CFAP20DC: variants seen among roughly 807,000 people sequenced by gnomAD.
CFAP20DC encodes protein CFAP20DC.
Under a neutral mutation model 101.7 loss-of-function variants are expected in CFAP20DC, and 84 were observed. The observed-to-expected ratio is 0.83, with a 90% CI of 0.69 to 0.99. CFAP20DC has a LOEUF of 0.99. Ranked by LOEUF, CFAP20DC falls within the 50% of genes least tolerant of loss-of-function variation. The pLI is 0.00. For missense variants in CFAP20DC, 1,007 were observed against 970.3 expected, an observed-to-expected ratio of 1.04 and a Z score of -0.50; for synonymous variants, 359 against 351.2, an observed-to-expected ratio of 1.02 and a Z score of -0.25.
intron 15 of CFAP20DC, among the ~76,000 whole-genome samples, chr3:58,803,896 G>A (rs1010764197): frequency 6.6e-6 from 1 of 152,036 alleles, no homozygotes; most frequent in Non-Finnish European, 1.5e-5. Context: ...CTGTCTAACT[G>A]GTGAATTATT....
intron 14 of CFAP20DC, among the ~76,000 whole-genome samples, chr3:58,827,211 G>A (rs763445803): frequency 3.3e-5 from 5 of 152,034 alleles, no homozygotes; most frequent in Middle Eastern, 3.4e-3. Context: ...AACCCAAAAC[G>A]GCTCAAAACA....
chr3:59,018,620 A>G (rs957295117), intron 4 of CFAP20DC: 9 of 152,108 alleles, frequency 5.9e-5, no homozygotes, highest in Non-Finnish European at 1.5e-5. Context: ...CTACAAAATA[A>G]CTGACCTGTA....
intron 6 of CFAP20DC, among the ~76,000 whole-genome samples, chr3:58,905,690 T>G (rs2083517242): frequency 6.6e-6 from 1 of 152,174 alleles, no homozygotes. Flanking sequence ...AGTACTGAGC[T>G]CAAGTAAGCA....
chr3:58,842,149 G>T (rs905267630), intron 13 of CFAP20DC, among the ~76,000 whole-genome samples: 1 of 152,202 alleles, frequency 6.6e-6, no homozygotes, highest in Non-Finnish European at 1.5e-5. Context: ...AGAATTACCA[G>T]TACTCGGAGG....
chr3:58,930,851 C>T (rs987800316), intron 5 of CFAP20DC, among the ~76,000 whole-genome samples: 22 of 152,160 alleles, frequency 1.4e-4, no homozygotes, highest in Non-Finnish European at 2.2e-4. Flanking sequence ...ACGCAGAAGA[C>T]GGGTGATTTC....
At chr3:58,806,810 C>G (rs983419944) in intron 14 of CFAP20DC, among the ~76,000 whole-genome samples, 1 of 152,196 alleles carries the variant, frequency 6.6e-6, no homozygotes, top group Admixed American at 6.5e-5. Context: ...GTTCCCTTTC[C>G]TAGTCAAAGA....
In CFAP20DC at chr3:58,866,643, A is replaced by G. The variant is rs745519290; in HGVS notation, c.1181T>C (p.Ile394Thr). 2 of 1,602,686 alleles carry G rather than the reference A, an allele frequency of 1.2e-6. No individual in the cohort carries two copies. The highest frequency in any genetic ancestry group is 2.2e-5 in the South Asian group (2 of 90,820). Residue 394 changes from isoleucine to threonine, a missense_variant, in exon 11 of 17, where the codon ATC becomes ACC. Transcript: ENST00000482387. ...TCCTTGTTGGGACACAGTGGTGAGGATAGTTGATGCTTTATCTTCAATCCT... is the reference window on the plus strand; with the variant it reads ...TCCTTGTTGGGACACAGTGGTGAGGGTAGTTGATGCTTTATCTTCAATCCT... Reference protein sequence around the residue: ...NNRIEDKASTILTTVSQQGAE... With the variant: ...NNRIEDKASTTLTTVSQQGAE...
chr3:58,796,877 C>T (rs9818318), intron 15 of CFAP20DC, among the ~76,000 whole-genome samples: 15,957 of 152,122 alleles, frequency 0.1, 1,432 homozygotes, highest in East Asian at 0.35. Flanking sequence ...CTATCTGTTA[C>T]GGTGATACGT....
chr3:58,934,196 C>A (rs1324301836), intron 5 of CFAP20DC, among the ~76,000 whole-genome samples: 2 of 152,212 alleles, frequency 1.3e-5, no homozygotes, highest in Non-Finnish European at 2.9e-5. Context: ...TTCCTCGACA[C>A]ATACACCCTC....
chr3:59,026,723 G>A (rs969755028), intron 4 of CFAP20DC, among the ~76,000 whole-genome samples: 3 of 152,110 alleles, frequency 2.0e-5, no homozygotes, highest in Non-Finnish European at 2.9e-5. Context: ...TGTCTCTAAC[G>A]TCACTGAAGA....
chr3:58,790,757 T>C (rs1289550908), intron 15 of CFAP20DC, among the ~76,000 whole-genome samples: 2 of 152,178 alleles, frequency 1.3e-5, no homozygotes, highest in Non-Finnish European at 2.9e-5. Context: ...TCTAGATTAT[T>C]GTGTTCATTT....
At position 58,874,022 on chromosome 3, in the gene CFAP20DC, G is replaced by T. The variant is rs144395865; in HGVS notation, c.716-3713C>A. 6.6e-6 allele frequency among the ~76,000 whole-genome samples: 1 copy of T among 152,252 alleles called. No individual in the cohort carries two copies. The highest frequency in any genetic ancestry group is 2.4e-5 in the African/African-American group (1 of 41,476). On this transcript the variant is annotated intron_variant, in intron 7 of 16. Coordinates refer to ENST00000482387, the MANE Select transcript of CFAP20DC (RefSeq NM_001394063.1). This position sits in a 1 kb window ranked among gnomAD's most constrained non-coding sequence, Gnocchi z 5.1. ...TAGCTATTCTGGATGCCGTAAGGCA[G>T]ATTCAGACATCAGGTGACTCCTTAA...
At chr3:58,837,547 A>T (rs988835369) in intron 13 of CFAP20DC, among the ~76,000 whole-genome samples, 5 of 152,196 alleles carry the variant, frequency 3.3e-5, no homozygotes, top group African/African-American at 4.8e-5. Flanking sequence ...GGGTGTGTTC[A>T]GTTTGTGAAA....
At chr3:58,974,918 T>C (rs1576551385) in intron 4 of CFAP20DC, among the ~76,000 whole-genome samples, 2 of 152,278 alleles carry the variant, frequency 1.3e-5, no homozygotes, top group East Asian at 3.9e-4. Context: ...CTCTCCTCTG[T>C]ATGGAAGCAC....
At chr3:58,818,669 T>C (rs1198396430) in intron 14 of CFAP20DC, among the ~76,000 whole-genome samples, 1 of 135,276 alleles carries the variant, frequency 7.4e-6, no homozygotes, top group Non-Finnish European at 1.6e-5. Context: ...CAAAGAGACT[T>C]AGACTCCCAC....
intron 15 of CFAP20DC, among the ~76,000 whole-genome samples, chr3:58,761,371 T>C (rs540024543): frequency 1.3e-5 from 2 of 152,096 alleles, no homozygotes; most frequent in Admixed American, 6.5e-5. Flanking sequence ...TCTGTGGGAT[T>C]GGTGGTGATA....
At chr3:58,967,223 A>G (rs1166779874) in intron 4 of CFAP20DC, among the ~76,000 whole-genome samples, 1 of 152,192 alleles carries the variant, frequency 6.6e-6, no homozygotes. Flanking sequence ...AAAACTACAG[A>G]TAATTGAGTT....
Position 58,799,184 on chromosome 3 carries a change from C to G in CFAP20DC, c.2237+7211G>C, listed in dbSNP as rs1344786389. On this transcript the variant is annotated intron_variant, in intron 15 of 16. Transcript: ENST00000482387. The surrounding 1 kb of genome is among the most constrained non-coding windows in gnomAD (Gnocchi z 4.9). ...AGTACACCTTCTGCAGCAGTGGCAACCCAACCAGATTTCTAGCAAGTGGTA... is the reference window on the plus strand; with the variant it reads ...AGTACACCTTCTGCAGCAGTGGCAAGCCAACCAGATTTCTAGCAAGTGGTA... Among the ~76,000 whole-genome samples, 1 of 151,964 alleles carries G rather than the reference C, an allele frequency of 6.6e-6. No homozygotes were observed. Among genetic ancestry groups the G allele is most frequent in the Non-Finnish European group, 1.5e-5 (1 of 68,022 alleles).
intron 4 of CFAP20DC, among the ~76,000 whole-genome samples, chr3:59,005,495 T>C (rs2108796393): frequency 6.6e-6 from 1 of 152,318 alleles, no homozygotes; most frequent in South Asian, 2.1e-4. Flanking sequence ...AAAACTACTC[T>C]GAGAGACTAT....
Sources: gnomAD v4.1 joint callset for allele counts (sites outside exome capture counted in the v4.1 genomes callset) on GRCh38, gnomAD v4.1.1 for gene constraint, Gnocchi (gnomAD v3.1) non-coding constraint, MANE v1.5 for transcripts, NCBI Gene and HGNC (gene_info 2026-07-23, HGNC 2026-07-21) for gene names.